The following IFT80 variants were observed in gnomAD, a reference collection of about 807,000 sequenced individuals.
IFT80 encodes intraflagellar transport 80, also known as intraflagellar transport protein 80 homolog.
IFT80 carries 79 observed loss-of-function variants against 107.9 expected under a neutral mutation model. The ratio of observed to expected loss-of-function variants is 0.73; its 90% CI spans 0.61 to 0.88. IFT80 has a LOEUF of 0.88. IFT80 is among the 40% of genes least tolerant of loss of function. IFT80 has a pLI of 0.00. For synonymous variants in IFT80, 299 were observed against 300.9 expected (o/e 0.99, Z 0.07); for missense variants, 797 against 914.2 (o/e 0.87, Z 1.65).
intron 8 of IFT80, among the ~76,000 whole-genome samples, chr3:160,348,162 C>A (rs1299516689): frequency 6.6e-6 from 1 of 151,782 alleles, no homozygotes; most frequent in African/African-American, 2.4e-5. Flanking sequence ...AATTGAACAT[C>A]CTTTCATGTT....
At chr3:160,260,461 AC>A (rs544037647) in intron 19 of IFT80, among the ~76,000 whole-genome samples, 239 of 152,350 alleles carry the variant, frequency 1.6e-3, no homozygotes, top group Middle Eastern at 3.4e-3. Flanking sequence ...ATAAAACCAT[AC>A]ATTGATAATA....
intron 6 of IFT80, among the ~76,000 whole-genome samples, chr3:160,361,192 G>A (rs1721464067): frequency 6.6e-6 from 1 of 152,038 alleles, no homozygotes; most frequent in Non-Finnish European, 1.5e-5. Flanking sequence ...GATCTACCAG[G>A]CAAATGGAAA....
intron 5 of IFT80, among the ~76,000 whole-genome samples, chr3:160,372,073 G>A (rs1438912703): frequency 6.6e-6 from 1 of 152,186 alleles, no homozygotes; most frequent in Non-Finnish European, 1.5e-5. Context: ...TAGAAGAGAA[G>A]TTAATGACTA....
intron 2 of IFT80, 138 bp from the exon 3 acceptor site, chr3:160,381,862 CT>C: frequency 2.9e-6 from 2 of 692,958 alleles, no homozygotes; most frequent in Non-Finnish European, 5.0e-6. Context: ...CATTTTATGA[CT>C]GGTATTTTTT....
intron 12 of IFT80, among the ~76,000 whole-genome samples, chr3:160,293,551 G>A (rs1032997075): frequency 1.3e-5 from 2 of 152,166 alleles, no homozygotes; most frequent in African/African-American, 2.4e-5. Flanking sequence ...TGGGATCCAT[G>A]GTCATAGGCC....
At chr3:160,384,384 T>C in intron 2 of IFT80, 180 bp downstream of exon 2, 1 of 1,251,270 alleles carries the variant, frequency 8.0e-7, no homozygotes, top group Non-Finnish European at 1.0e-6. Context: ...TAGCAAACGG[T>C]TCACTTTGGA....
At chr3:160,299,331 A>G in intron 12 of IFT80, 1 of 667,758 alleles carries the variant, frequency 1.5e-6, no homozygotes, top group Non-Finnish European at 2.0e-6. Context: ...TGCCAGTATA[A>G]GAGGTGCTAT....
Position 160,257,080 on chromosome 3 carries a change from GCTT to G in IFT80, c.*1442_*1444del, listed in dbSNP as rs1308337241. The stretch of plus-strand genomic sequence containing the variant: ...AACCATTTATTTTTAAACATTTTAA[GCTT>G]CTTATTGAAATATAACAATATAGGA... On this transcript the variant is annotated 3_prime_UTR_variant, in exon 20 of 20. Transcript: ENST00000326448. The G allele has an allele frequency of 6.6e-6, 1 of 151,980 alleles. No individual in the cohort carries two copies. Among genetic ancestry groups the G allele is most frequent in the Non-Finnish European group, 1.5e-5 (1 of 67,996 alleles). The allele number at this position is 151,980 out of a possible 1,614,324, so 9.4% of individuals were successfully genotyped here.
At chr3:160,328,708 T>TA (rs1718865412) in intron 8 of IFT80, among the ~76,000 whole-genome samples, 1 of 151,752 alleles carries the variant, frequency 6.6e-6, no homozygotes, top group African/African-American at 2.4e-5. Flanking sequence ...TTCATTACAG[T>TA]ACAATAACAA....
At chr3:160,327,984 A>G (rs1718795645) in intron 8 of IFT80, among the ~76,000 whole-genome samples, 1 of 152,164 alleles carries the variant, frequency 6.6e-6, no homozygotes, top group Non-Finnish European at 1.5e-5. Flanking sequence ...ACTTAAACAA[A>G]TTTACAAGAA....
At chr3:160,365,109 A>T (rs957253896) in intron 6 of IFT80, among the ~76,000 whole-genome samples, 1 of 152,120 alleles carries the variant, frequency 6.6e-6, no homozygotes, top group Non-Finnish European at 1.5e-5. Context: ...GCAGATTTTC[A>T]GCGTAGGTAA....
chr3:160,322,183 C>G (rs1718284516), intron 8 of IFT80, among the ~76,000 whole-genome samples: 1 of 125,028 alleles, frequency 8.0e-6, no homozygotes, highest in African/African-American at 2.9e-5. Context: ...TATCCCTCCT[C>G]CCTCCCCCGA....
intron 12 of IFT80, among the ~76,000 whole-genome samples, chr3:160,298,753 C>A (rs559954962): frequency 4.6e-5 from 7 of 152,216 alleles, no homozygotes; most frequent in African/African-American, 1.7e-4. Flanking sequence ...ACTTACTATG[C>A]ACTTAGGCTA....
At chr3:160,360,814 A>AT (rs1248435404) in intron 6 of IFT80, among the ~76,000 whole-genome samples, 1 of 152,138 alleles carries the variant, frequency 6.6e-6, no homozygotes, top group Admixed American at 6.5e-5. Context: ...ATGCTGAGAG[A>AT]TTTTGTCACC....
chr3:160,266,652 G>T (rs900808387), intron 19 of IFT80, among the ~76,000 whole-genome samples: 6 of 152,066 alleles, frequency 3.9e-5, no homozygotes, highest in African/African-American at 1.4e-4. Context: ...CCAAAGTGTT[G>T]GGATTATAGG....
rs535059545 is a variant in IFT80 at position 160,294,887 on chromosome 3, GTGCAGTC to G, written c.1315+5989_1315+5995del. 1.5e-3 allele frequency among the ~76,000 whole-genome samples: 229 copies of G among 152,242 alleles called. 5 individuals carry two copies. The South Asian group carries it at 0.046, about 31-fold the overall frequency. Reference sequence around the variant, plus strand: ...AGGAAAAGGCATACACGCAAATAAGGTGCAGTCTGTAAAATAATTTTTTAAAGTAGAT... The same window carrying G: ...AGGAAAAGGCATACACGCAAATAAGGTGTAAAATAATTTTTTAAAGTAGAT... On this transcript the variant is annotated intron_variant, in intron 12 of 19. Coordinates refer to ENST00000326448, the MANE Select transcript of IFT80 (RefSeq NM_020800.3).
At chr3:160,282,146 T>C (rs918376824) in intron 14 of IFT80, among the ~76,000 whole-genome samples, 3 of 152,128 alleles carry the variant, frequency 2.0e-5, no homozygotes, top group Non-Finnish European at 4.4e-5. Flanking sequence ...CTGGATGTGG[T>C]GGCACATGAC....
At chr3:160,368,402 T>C (rs959693091) in intron 5 of IFT80, among the ~76,000 whole-genome samples, 1 of 149,696 alleles carries the variant, frequency 6.7e-6, no homozygotes, top group East Asian at 1.9e-4. Flanking sequence ...TCTTCCACAG[T>C]TCAGGTGTTA....
At chr3:160,332,462 T>C (rs537570761) in intron 8 of IFT80, among the ~76,000 whole-genome samples, 2 of 152,304 alleles carry the variant, frequency 1.3e-5, no homozygotes, top group East Asian at 3.9e-4. Context: ...AGCACAAGGA[T>C]AAGCACGGGA....
Sources: gnomAD v4.1 joint callset for allele counts (sites outside exome capture counted in the v4.1 genomes callset) on GRCh38, gnomAD v4.1.1 for gene constraint, MANE v1.5 for transcripts, NCBI Gene and HGNC (gene_info 2026-07-23, HGNC 2026-07-21) for gene names.